RBFOX3: variants seen among roughly 807,000 people sequenced by gnomAD.
The protein encoded by RBFOX3 is RNA binding protein fox-1 homolog 3.
A neutral mutation model predicts 48.7 loss-of-function variants in RBFOX3; 17 were observed. That is an observed-to-expected ratio of 0.35 (90% CI 0.24 to 0.52). RBFOX3 has a LOEUF of 0.52. RBFOX3 is among the 20% of genes least tolerant of loss of function. The pLI, the probability that RBFOX3 is intolerant of heterozygous loss-of-function variation, is 0.94. For missense variants in RBFOX3, 382 were observed against 497.5 expected (o/e 0.77, Z 2.21); for synonymous variants, 212 against 209.5 (o/e 1.01, Z -0.10).
At chr17:79,512,673 GGATACGTGTTAC>G in intron 1 of RBFOX3, among the ~76,000 whole-genome samples, 2 of 120,942 alleles carry the variant, frequency 1.7e-5, no homozygotes, top group Non-Finnish European at 3.4e-5. Flanking sequence ...ACACCCACCC[GGATACGTGTTAC>G]CATCGGGTAC....
chr17:79,109,283 A>G (rs929962512), intron 5 of RBFOX3, among the ~76,000 whole-genome samples: 5 of 152,130 alleles, frequency 3.3e-5, no homozygotes, highest in Non-Finnish European at 7.4e-5. Flanking sequence ...TTTGGCACGG[A>G]GGCATCTGTG....
intron 3 of RBFOX3, among the ~76,000 whole-genome samples, chr17:79,260,500 C>T (rs539306386): frequency 1.3e-5 from 2 of 152,342 alleles, no homozygotes; most frequent in South Asian, 2.1e-4. Context: ...CCACAGTGCA[C>T]GCCAATAGAG....
At chr17:79,441,674 C>G (rs1482531668) in intron 2 of RBFOX3, among the ~76,000 whole-genome samples, 1 of 152,182 alleles carries the variant, frequency 6.6e-6, no homozygotes, top group South Asian at 2.1e-4. Context: ...TTGTTTTAAG[C>G]CCCCTAGTGT....
At chr17:79,153,180 G>T (rs958275053) in intron 4 of RBFOX3, among the ~76,000 whole-genome samples, 4 of 152,158 alleles carry the variant, frequency 2.6e-5, no homozygotes, top group Non-Finnish European at 4.4e-5. Flanking sequence ...CTCCCATTTT[G>T]CAGAACTGCT....
At chr17:79,378,314 G>A (rs530699274) in intron 2 of RBFOX3, among the ~76,000 whole-genome samples, 22 of 152,340 alleles carry the variant, frequency 1.4e-4, no homozygotes, top group Middle Eastern at 3.4e-3. Context: ...AAGGGACAGA[G>A]CAGCTGACTC....
rs1056147038 is a variant in RBFOX3, at chr17:79,213,992, G to A, written c.-34+21774C>T. Among the ~76,000 whole-genome samples the A allele has an allele frequency of 1.2e-4, 19 of 152,198 alleles. No individual in the cohort carries two copies. In the South Asian group the frequency reaches 2.1e-3, roughly 17 times the overall value. On this transcript the variant is annotated intron_variant, in intron 4 of 14. Transcript: ENST00000693108. ...GGGCCACAGCCCCTAAACACTCAGCGGATCAGACTTGGTTCCGTTTCCGAA... is the reference window on the plus strand; with the variant it reads ...GGGCCACAGCCCCTAAACACTCAGCAGATCAGACTTGGTTCCGTTTCCGAA...
the RBFOX3 span, among the ~76,000 whole-genome samples, chr17:79,636,177 G>A: frequency 2.0e-5 from 3 of 152,074 alleles, no homozygotes; most frequent in Non-Finnish European, 4.4e-5. Flanking sequence ...GTGAGATAGA[G>A]CTATATGTGC....
chr17:79,098,662 C>T (rs1425203609), intron 9 of RBFOX3: 2 of 152,268 alleles, frequency 1.3e-5, no homozygotes, highest in Admixed American at 6.5e-5. Flanking sequence ...GAGGCCTCTG[C>T]GGGGGACACC....
intron 2 of RBFOX3, among the ~76,000 whole-genome samples, chr17:79,318,860 A>AAAAAAAAAAAAAAAAAAAG: frequency 7.1e-6 from 1 of 140,380 alleles, no homozygotes; most frequent in Non-Finnish European, 1.6e-5. Context: ...ATCTCAAAAA[A>AAAAAAAAAAAAAAAAAAAG]AAAAAAAAAA....
At chr17:79,376,208 T>C (rs2059204276) in intron 2 of RBFOX3, among the ~76,000 whole-genome samples, 1 of 152,188 alleles carries the variant, frequency 6.6e-6, no homozygotes, top group Non-Finnish European at 1.5e-5. Flanking sequence ...CAGGTTTGTC[T>C]CTGTCCACTG....
chr17:79,415,933 C>A (rs1199671578), intron 2 of RBFOX3, among the ~76,000 whole-genome samples: 1 of 152,144 alleles, frequency 6.6e-6, no homozygotes, highest in Non-Finnish European at 1.5e-5. Flanking sequence ...TCCTCACCTG[C>A]AGACGCCCCC....
At chr17:79,610,335 G>A (rs1357880268) in intron 1 of RBFOX3, among the ~76,000 whole-genome samples, 3 of 151,754 alleles carry the variant, frequency 2.0e-5, no homozygotes, top group African/African-American at 7.3e-5. Context: ...TCTCCCACCC[G>A]CGCGGGCTCC....
chr17:79,163,935 G>C (rs2047480770), intron 4 of RBFOX3, among the ~76,000 whole-genome samples: 1 of 152,228 alleles, frequency 6.6e-6, no homozygotes, highest in African/African-American at 2.4e-5. Flanking sequence ...GGGCCAATTG[G>C]AGGGTGGGGA....
Position 79,471,757 on chromosome 17 carries a change from G to A in RBFOX3, c.-175+10697C>T, listed in dbSNP as rs570350768. 1.6e-4 allele frequency among the ~76,000 whole-genome samples: 25 copies of A among 152,306 alleles called. No individual in the cohort carries two copies. The highest frequency in any genetic ancestry group is 3.1e-4 in the Non-Finnish European group (21 of 68,026). On this transcript the variant is annotated intron_variant, in intron 2 of 14. Transcript: ENST00000693108. This position sits in a 1 kb window ranked among gnomAD's most constrained non-coding sequence, Gnocchi z 4.0. ...GCCAGGGCGTGTGCAGAGCCTGGGT[G>A]GACGCAGGCAGGTTAGCTATCCCAG...
the RBFOX3 span, among the ~76,000 whole-genome samples, chr17:79,636,208 G>T: frequency 2.0e-5 from 3 of 151,970 alleles, no homozygotes; most frequent in Admixed American, 6.6e-5. Context: ...CTATATCCAA[G>T]ATATATTGTG....
chr17:79,372,374 C>T (rs926337935), intron 2 of RBFOX3, among the ~76,000 whole-genome samples: 8 of 144,328 alleles, frequency 5.5e-5, no homozygotes, highest in Middle Eastern at 3.3e-3. Flanking sequence ...ACCTCCCCAT[C>T]CTGTGGATCC....
chr17:79,359,154 C>T (rs1015660833), intron 2 of RBFOX3, among the ~76,000 whole-genome samples: 4 of 152,070 alleles, frequency 2.6e-5, no homozygotes, highest in Admixed American at 6.5e-5. Context: ...CGGATTTAAA[C>T]GTATCCCTAA....
intron 3 of RBFOX3, among the ~76,000 whole-genome samples, chr17:79,282,756 C>T (rs2070864090): frequency 6.6e-6 from 1 of 152,224 alleles, no homozygotes; most frequent in Non-Finnish European, 1.5e-5. Context: ...TCTTCCAAAC[C>T]CAGCACAACC....
intron 1 of RBFOX3, among the ~76,000 whole-genome samples, chr17:79,498,821 ATCCAC>A (rs1213372074): frequency 4.7e-5 from 7 of 148,678 alleles, no homozygotes; most frequent in African/African-American, 1.7e-4. Context: ...TTACCCATCC[ATCCAC>A]TCATGCACCC....
Sources: allele counts gnomAD v4.1 joint callset (sites outside exome capture counted in the v4.1 genomes callset), GRCh38; gene constraint gnomAD v4.1.1; non-coding constraint Gnocchi (gnomAD v3.1); transcripts MANE v1.5; gene names NCBI Gene and HGNC (gene_info 2026-07-23, HGNC 2026-07-21).